GPR160: variants seen among roughly 807,000 people sequenced by gnomAD.
The protein encoded by GPR160 is G protein-coupled receptor 160.
Under a neutral mutation model 2.6 loss-of-function variants are expected in GPR160, and 2 were observed. The ratio of observed to expected loss-of-function variants is 0.77; its 90% CI spans 0.32 to 2.44. GPR160 has a LOEUF of 2.44. Ranked by LOEUF, GPR160 falls within the 30% of genes most tolerant of loss-of-function variation. The probability of loss-of-function intolerance (pLI) is 0.11; values close to 1 mark genes in which losing one functional copy is unlikely to be tolerated. For synonymous variants in GPR160, 130 were observed against 132.2 expected (o/e 0.98, Z 0.12); for missense variants, 351 against 383.6 (o/e 0.91, Z 0.71).
chr3:170,079,293 G>A (rs1228102568), intron 2 of GPR160, among the ~76,000 whole-genome samples: 1 of 152,204 alleles, frequency 6.6e-6, no homozygotes, highest in African/African-American at 2.4e-5. Context: ...ACCCGGCATA[G>A]ATGAAAATTC....
At chr3:170,083,044 G>A (rs1713218604) in intron 3 of GPR160, among the ~76,000 whole-genome samples, 1 of 149,760 alleles carries the variant, frequency 6.7e-6, no homozygotes, top group Non-Finnish European at 1.5e-5. Flanking sequence ...TAGTATTGTA[G>A]AAATAAGTTA....
intron 2 of GPR160, among the ~76,000 whole-genome samples, chr3:170,066,181 C>G (rs1410404531): frequency 8.5e-6 from 1 of 118,240 alleles, no homozygotes; most frequent in Non-Finnish European, 1.6e-5. Flanking sequence ...CGCTCTGTCA[C>G]CCAGGCTGGA....
Position 170,055,262 on chromosome 3 carries a change from T to C in GPR160, c.-193+16219T>C, listed in dbSNP as rs193277396. On this transcript the variant is annotated intron_variant, in intron 2 of 3. Coordinates refer to ENST00000355897, the MANE Select transcript of GPR160 (RefSeq NM_014373.3). ...CTGGGATACTGTTACCAAAGACTTATAGGAGAACTGGACCCCGGCTGATTG... is the reference window on the plus strand; with the variant it reads ...CTGGGATACTGTTACCAAAGACTTACAGGAGAACTGGACCCCGGCTGATTG... Among the ~76,000 whole-genome samples the C allele has an allele frequency of 3.7e-4, 57 of 152,334 alleles. No individual in the cohort carries two copies. In the South Asian group the frequency reaches 5.2e-3, roughly 14 times the overall value.
chr3:170,074,161 T>C (rs1712739320), intron 2 of GPR160, among the ~76,000 whole-genome samples: 1 of 152,088 alleles, frequency 6.6e-6, no homozygotes, highest in African/African-American at 2.4e-5. Flanking sequence ...AGTGCTGGGA[T>C]TACAGGCATG....
chr3:170,059,249 A>C (rs1423572320), intron 2 of GPR160, among the ~76,000 whole-genome samples: 1 of 152,236 alleles, frequency 6.6e-6, no homozygotes, highest in Non-Finnish European at 1.5e-5. Context: ...AACTAAAAAT[A>C]ATGAAAACAA....
chr3:170,041,893 C>CA (rs1559979762), intron 2 of GPR160, among the ~76,000 whole-genome samples: 8 of 152,200 alleles, frequency 5.3e-5, no homozygotes, highest in Non-Finnish European at 8.8e-5. Flanking sequence ...TGTTTACTCT[C>CA]CTCTGTAGGA....
chr3:170,069,191 A>G (rs959507442), intron 2 of GPR160, among the ~76,000 whole-genome samples: 2 of 152,190 alleles, frequency 1.3e-5, no homozygotes, highest in Non-Finnish European at 2.9e-5. Context: ...AGAGGGAGTC[A>G]TTTGCTGCAC....
intron 2 of GPR160, among the ~76,000 whole-genome samples, chr3:170,045,408 CAAAAAAAAAAAAAAAAAAAAAAAAA>C (rs368019452): frequency 0.02 from 676 of 33,686 alleles, 12 homozygotes; most frequent in South Asian, 0.13. Context: ...ACTAAAAATA[CAAAAAAAAAAAAAAAAAAAAAAAAA>C]AAAAAAAAAA....
intron 2 of GPR160, chr3:170,049,980 C>G (rs1716882930): frequency 6.6e-6 from 1 of 152,126 alleles, no homozygotes; most frequent in Non-Finnish European, 1.5e-5. Flanking sequence ...GTTGGGTTCT[C>G]TAATACTTTT....
chr3:170,060,115 G>A (rs918386719), intron 2 of GPR160, among the ~76,000 whole-genome samples: 1 of 152,112 alleles, frequency 6.6e-6, no homozygotes, highest in Non-Finnish European at 1.5e-5. Context: ...AAGCGGGCAT[G>A]TGCTCAGCAA....
chr3:170,053,862 T>C (rs963668340), intron 2 of GPR160, among the ~76,000 whole-genome samples: 1 of 152,212 alleles, frequency 6.6e-6, no homozygotes, highest in Non-Finnish European at 1.5e-5. Flanking sequence ...GCTTGTTTTC[T>C]GTATTCAGTA....
chr3:170,064,621 C>A (rs925286229), intron 2 of GPR160, among the ~76,000 whole-genome samples: 2 of 146,966 alleles, frequency 1.4e-5, no homozygotes, highest in Non-Finnish European at 3.0e-5. Flanking sequence ...CGCGTTAAAG[C>A]GATTCTTCTG....
chr3:170,057,021 A>C (rs949454575), intron 2 of GPR160, among the ~76,000 whole-genome samples: 1 of 152,230 alleles, frequency 6.6e-6, no homozygotes, highest in Non-Finnish European at 1.5e-5. Context: ...AGTGCATACT[A>C]TGTAAAGAGG....
At chr3:170,066,421 G>C (rs1231025527) in intron 2 of GPR160, among the ~76,000 whole-genome samples, 1 of 151,982 alleles carries the variant, frequency 6.6e-6, no homozygotes, top group Non-Finnish European at 1.5e-5. Context: ...TTACAGGTGT[G>C]AGCCACCGCG....
At position 170,084,325 on chromosome 3, in the gene GPR160, T is replaced by C. The variant is rs780876869; in HGVS notation, c.353T>C (p.Ile118Thr). The C allele has an allele frequency of 6.2e-7, 1 of 1,609,346 alleles. No homozygotes were observed. The highest frequency in any genetic ancestry group is 1.7e-5 in the Admixed American group (1 of 59,598). Residue 118 changes from isoleucine to threonine, a missense_variant, in exon 4 of 4, where the codon ATA becomes ACA. Ile to Thr is a moderately conservative substitution (Grantham distance 89). Coordinates refer to ENST00000355897, the MANE Select transcript of GPR160 (RefSeq NM_014373.3). ...TATCCAGTTTTCCTGACAGCTTGTA[T>C]AGATTATTGCCTGAATTTCTCTAAA... ...LHYPVFLTAC[I>T]DYCLNFSKTT... is the part of the protein sequence containing the mutation.
chr3:170,069,212 A>T (rs968559816), intron 2 of GPR160, among the ~76,000 whole-genome samples: 3 of 152,234 alleles, frequency 2.0e-5, no homozygotes, highest in African/African-American at 7.2e-5. Flanking sequence ...TGAGTCAGGG[A>T]AGAGATCTGG....
At chr3:170,043,881 C>G (rs1559980652) in intron 2 of GPR160, among the ~76,000 whole-genome samples, 1 of 152,018 alleles carries the variant, frequency 6.6e-6, no homozygotes, top group Non-Finnish European at 1.5e-5. Flanking sequence ...AATACTAGAG[C>G]AGCTGCCTCT....
chr3:170,072,148 C>T (rs1712628705), intron 2 of GPR160, among the ~76,000 whole-genome samples: 1 of 140,772 alleles, frequency 7.1e-6, no homozygotes, highest in Non-Finnish European at 1.5e-5. Context: ...GATTGTGGCT[C>T]ATTGCAACCT....
At chr3:170,051,039 A>G (rs554223950) in intron 2 of GPR160, among the ~76,000 whole-genome samples, 104 of 152,360 alleles carry the variant, frequency 6.8e-4, no homozygotes, top group African/African-American at 2.4e-3. Context: ...GAAACTGCCA[A>G]ACTATTTTCC....
Sources: allele counts gnomAD v4.1 joint callset (sites outside exome capture counted in the v4.1 genomes callset), GRCh38; gene constraint gnomAD v4.1.1; transcripts MANE v1.5; gene names NCBI Gene and HGNC (gene_info 2026-07-23, HGNC 2026-07-21).